The following EXTL3 variants were observed in gnomAD, a reference collection of about 807,000 sequenced individuals.
The protein encoded by EXTL3 is exostosin-like 3.
In EXTL3, 27 loss-of-function variants were observed where a neutral mutation model predicts 69.3. The ratio of observed to expected loss-of-function variants is 0.39; its 90% CI spans 0.29 to 0.54. The LOEUF (loss-of-function observed/expected upper bound fraction) is 0.54, where lower values mean the gene tolerates loss of function less well. Ranked by LOEUF, EXTL3 falls within the 20% of genes least tolerant of loss-of-function variation. The probability of loss-of-function intolerance (pLI) is 0.69; values close to 1 mark genes in which losing one functional copy is unlikely to be tolerated. For missense variants in EXTL3, 1,003 were observed against 1,231.8 expected (o/e 0.81, Z 2.78); for synonymous variants, 511 against 499.4 (o/e 1.02, Z -0.31).
intron 5 of EXTL3, among the ~76,000 whole-genome samples, 165 bp downstream of exon 5, chr8:28,737,828 A>C (rs1481507205): frequency 6.6e-6 from 1 of 152,198 alleles, no homozygotes; most frequent in Non-Finnish European, 1.5e-5. Context: ...AGATGCTTAG[A>C]GCAACTCTGG....
rs564403695 is a variant in EXTL3, at chr8:28,624,343, T to G, written c.-53+1533T>G. 8.5e-5 allele frequency among the ~76,000 whole-genome samples: 13 copies of G among 152,194 alleles called. No homozygotes were observed. In the South Asian group the frequency reaches 2.3e-3, roughly 27 times the overall value. Reference sequence around the variant, plus strand: ...CATCCGGAGGCCGAGGTGGGAGGATTGCTTGAGCTCAAGAGTTCAAGACCA... The same window carrying G: ...CATCCGGAGGCCGAGGTGGGAGGATGGCTTGAGCTCAAGAGTTCAAGACCA... On this transcript the variant is annotated intron_variant, in intron 1 of 6. Transcript: ENST00000523149.
At chr8:28,682,549 T>A (rs1026659955) in intron 1 of EXTL3, among the ~76,000 whole-genome samples, 2 of 152,146 alleles carry the variant, frequency 1.3e-5, no homozygotes, top group South Asian at 4.1e-4. Flanking sequence ...ATCAAGCGAT[T>A]CTCCTGCCTC....
upstream of EXTL3, chr8:28,697,891 T>C (rs984287859): frequency 6.6e-6 from 1 of 151,960 alleles, no homozygotes; most frequent in Admixed American, 6.6e-5. Context: ...CAAAACTATT[T>C]TGGATTCAGT....
intron 1 of EXTL3, among the ~76,000 whole-genome samples, chr8:28,629,045 C>T (rs920454683): frequency 2.6e-5 from 4 of 152,128 alleles, no homozygotes; most frequent in Admixed American, 2.6e-4. Context: ...TCAACTTCCT[C>T]TTTTTACAGA....
At position 28,691,572 on chromosome 8, in the gene EXTL3, A is replaced by ATTTTTTTTT. The variant is rs71222571; in HGVS notation, c.-52-21881_-52-21873dup. Among the ~76,000 whole-genome samples the ATTTTTTTTT allele has an allele frequency of 1.3e-4, 18 of 135,478 alleles. 1 individual carries two copies. Among genetic ancestry groups the ATTTTTTTTT allele is most frequent in the East Asian group, 8.0e-4 (4 of 4,976 alleles). 88.9% of individuals were successfully genotyped at this position (135,478 alleles called of 152,430 possible). ...TGGTAAATATTTATCAGTTTTTGTGATTTTTTTTTTTTGCTATTGTGTTCC... is the reference window on the plus strand; with the variant it reads ...TGGTAAATATTTATCAGTTTTTGTGATTTTTTTTTTTTTTTTTTTTTGCTATTGTGTTCC... On this transcript the variant is annotated intron_variant, in intron 1 of 6. Coordinates refer to the EXTL3 transcript ENST00000523149.
At chr8:28,729,560 C>T (rs1028218624) in intron 3 of EXTL3, among the ~76,000 whole-genome samples, 2 of 124,254 alleles carry the variant, frequency 1.6e-5, no homozygotes, top group South Asian at 2.6e-4. Context: ...TGCGCGACTG[C>T]ACTCCAGCCT....
chr8:28,649,439 T>C (rs772515062), intron 1 of EXTL3, among the ~76,000 whole-genome samples: 1 of 152,238 alleles, frequency 6.6e-6, no homozygotes, highest in Non-Finnish European at 1.5e-5. Context: ...CCTGTGAAAT[T>C]GTGTCTCGTA....
At chr8:28,656,702 G>A (rs1753066769) in intron 1 of EXTL3, among the ~76,000 whole-genome samples, 1 of 152,080 alleles carries the variant, frequency 6.6e-6, no homozygotes, top group African/African-American at 2.4e-5. Context: ...CTGACTTCAT[G>A]TAAAGCCTTG....
rs1037594461 is a variant in EXTL3, at chr8:28,623,309, A to C, written c.-53+499A>C. Among the ~76,000 whole-genome samples, 3 of 152,152 alleles carry C rather than the reference A, an allele frequency of 2.0e-5. No individual in the cohort carries two copies. The highest frequency in any genetic ancestry group is 4.4e-5 in the Non-Finnish European group (3 of 68,004). ...GGTGCCCTCCAGTCCCTGCAGCCCC[A>C]AACACACCTACCCCAGAGGACACCA... On this transcript the variant is annotated intron_variant, in intron 1 of 6. Transcript: ENST00000523149. The surrounding 1 kb of genome is among the most constrained non-coding windows in gnomAD (Gnocchi z 4.2).
intron 1 of EXTL3, among the ~76,000 whole-genome samples, chr8:28,634,656 C>T (rs189432701): frequency 5.4e-5 from 8 of 147,860 alleles, no homozygotes; most frequent in Non-Finnish European, 1.0e-4. Flanking sequence ...AGTGCAGTGG[C>T]GGAATCTCAG....
chr8:28,692,650 C>A (rs1476413961), intron 1 of EXTL3, among the ~76,000 whole-genome samples: 3 of 152,070 alleles, frequency 2.0e-5, no homozygotes, highest in Non-Finnish European at 2.9e-5. Flanking sequence ...ATTTTACAGC[C>A]AAATTGGTTG....
chr8:28,708,081 G>C (rs2130716835), intron 1 of EXTL3, among the ~76,000 whole-genome samples: 1 of 152,140 alleles, frequency 6.6e-6, no homozygotes, highest in East Asian at 1.9e-4. Flanking sequence ...GGAACACCTT[G>C]GGATTTAGAA....
chr8:28,726,175 G>T (rs1801409052), intron 3 of EXTL3, among the ~76,000 whole-genome samples: 1 of 152,024 alleles, frequency 6.6e-6, no homozygotes, highest in South Asian at 2.1e-4. Context: ...AGGATGGTCT[G>T]GATCTCTTGA....
chr8:28,734,279 C>A (rs564223211), intron 4 of EXTL3, among the ~76,000 whole-genome samples: 1 of 152,310 alleles, frequency 6.6e-6, no homozygotes, highest in Admixed American at 6.5e-5. Flanking sequence ...TTTTGAAGTT[C>A]AGTGGATCTA....
intron 1 of EXTL3, among the ~76,000 whole-genome samples, chr8:28,635,570 G>A (rs1179674457): frequency 6.6e-6 from 1 of 151,524 alleles, no homozygotes; most frequent in East Asian, 1.9e-4. Flanking sequence ...AATTAGCCAG[G>A]CATAGTGGCG....
intron 1 of EXTL3, among the ~76,000 whole-genome samples, chr8:28,658,311 G>A (rs184201987): frequency 1.3e-5 from 2 of 152,200 alleles, no homozygotes; most frequent in Admixed American, 1.3e-4. Context: ...CAGTCACATG[G>A]TTCATGGAGC....
chr8:28,657,806 C>T (rs1415393656), intron 1 of EXTL3, among the ~76,000 whole-genome samples: 2 of 152,182 alleles, frequency 1.3e-5, no homozygotes, highest in African/African-American at 2.4e-5. Flanking sequence ...TCTGTGGTAT[C>T]TTTTGGGAGA....
intron 2 of EXTL3, among the ~76,000 whole-genome samples, chr8:28,616,455 C>A (rs1167703488): frequency 1.3e-5 from 2 of 152,084 alleles, no homozygotes; most frequent in East Asian, 3.9e-4. Flanking sequence ...GAAACCCCGC[C>A]TCTACTAAAA....
At chr8:28,724,130 ACT>A (rs1346002918) in intron 3 of EXTL3, among the ~76,000 whole-genome samples, 2 of 152,140 alleles carry the variant, frequency 1.3e-5, no homozygotes, top group African/African-American at 4.8e-5. Flanking sequence ...TAAAATAGAG[ACT>A]GCTAATATCA....
Sources: gnomAD v4.1 joint callset for allele counts (sites outside exome capture counted in the v4.1 genomes callset) on GRCh38, gnomAD v4.1.1 for gene constraint, Gnocchi (gnomAD v3.1) non-coding constraint, MANE v1.5 for transcripts, NCBI Gene and HGNC (gene_info 2026-07-23, HGNC 2026-07-21) for gene names.